Variants in FAM135A observed in about 807,000 individuals in gnomAD.
FAM135A encodes the protein family with sequence similarity 135 member A.
FAM135A carries 79 observed loss-of-function variants against 146.8 expected under a neutral mutation model. That is an observed-to-expected ratio of 0.54 (90% confidence interval 0.45 to 0.65). The LOEUF (loss-of-function observed/expected upper bound fraction) is 0.65. FAM135A is among the 30% of genes least tolerant of loss of function. The probability of loss-of-function intolerance (pLI) is 0.00; values close to 1 mark genes in which losing one functional copy is unlikely to be tolerated. For missense variants in FAM135A, 1,623 were observed against 1,758.2 expected (o/e 0.92, Z 1.38); for synonymous variants, 562 against 603.6 (o/e 0.93, Z 1.01).
chr6:70,552,686 T>G (rs1378450952), intron 20 of FAM135A, among the ~76,000 whole-genome samples: 1 of 151,820 alleles, frequency 6.6e-6, no homozygotes, highest in Non-Finnish European at 1.5e-5. Context: ...GCCAGGCTGG[T>G]CTCAAATTCC....
rs1582585937 is a variant in FAM135A, at chr6:70,501,159, A to G, written c.874-1477A>G. Among the ~76,000 whole-genome samples, 5 of 152,280 alleles carry G rather than the reference A, an allele frequency of 3.3e-5. No individual in the cohort carries two copies. The East Asian group carries it at 9.7e-4, about 29-fold the overall frequency. On this transcript the variant is annotated intron_variant, in intron 11 of 21. Transcript: ENST00000418814. The stretch of plus-strand genomic sequence containing the variant: ...ATGGGAGTTTATCTGTAAGCCCCTG[A>G]CTGGGGCTGTTACCCTTCCTTCAGT...
chr6:70,520,042 T>C (rs1455649701), intron 12 of FAM135A, among the ~76,000 whole-genome samples: 2 of 152,152 alleles, frequency 1.3e-5, no homozygotes, highest in Admixed American at 1.3e-4. Context: ...AATTTTTTAT[T>C]TATTTTGTGT....
intron 20 of FAM135A, among the ~76,000 whole-genome samples, chr6:70,555,842 CA>C (rs1800733249): frequency 6.6e-6 from 1 of 151,984 alleles, no homozygotes; most frequent in Non-Finnish European, 1.5e-5. Context: ...GGATTGTATA[CA>C]TTCAAAATGT....
At chr6:70,435,079 G>GTA (rs1322699827) in intron 4 of FAM135A, among the ~76,000 whole-genome samples, 2,769 of 89,830 alleles carry the variant, frequency 0.031, 99 homozygotes, top group African/African-American at 0.092. Flanking sequence ...GTGTGTGTGT[G>GTA]TGTATATATA....
In FAM135A at chr6:70,450,716, G is replaced by GTTTTTTTTTTTTTTTTTTTTTTTTTTT. The variant is rs546674936; in HGVS notation, c.78-1760_78-1734dup. On this transcript the variant is annotated intron_variant, in intron 4 of 21. Transcript: ENST00000418814. ...CTCAGGGAGTGTGACCCTTTTAGTT[G>GTTTTTTTTTTTTTTTTTTTTTTTTTTT]TTTTTTTTTTTTTTTTTTTTTTTTT... 5.3e-4 allele frequency among the ~76,000 whole-genome samples: 15 copies of GTTTTTTTTTTTTTTTTTTTTTTTTTTT among 28,348 alleles called. 6 individuals are homozygous for GTTTTTTTTTTTTTTTTTTTTTTTTTTT. Among genetic ancestry groups the GTTTTTTTTTTTTTTTTTTTTTTTTTTT allele is most frequent in the Non-Finnish European group, 9.9e-4 (13 of 13,088 alleles). 18.6% of individuals were successfully genotyped at this position (28,348 alleles called of 152,430 possible). A position where few individuals can be genotyped will look rare whatever the true frequency, so the allele number is the denominator to read the frequency against.
At chr6:70,474,607 A>T (rs1173891529) in intron 5 of FAM135A, among the ~76,000 whole-genome samples, 1 of 152,186 alleles carries the variant, frequency 6.6e-6, no homozygotes, top group Admixed American at 6.5e-5. Context: ...TCAAATCAGA[A>T]TCTGTATAGG....
chr6:70,510,991 T>C (rs1364190488), intron 12 of FAM135A, among the ~76,000 whole-genome samples: 6 of 151,996 alleles, frequency 3.9e-5, no homozygotes, highest in Non-Finnish European at 5.9e-5. Context: ...AGTGAGATGG[T>C]ATTTTCATTG....
intron 21 of FAM135A, among the ~76,000 whole-genome samples, chr6:70,559,419 C>T (rs919810346): frequency 6.7e-6 from 1 of 148,470 alleles, no homozygotes; most frequent in African/African-American, 2.5e-5. Flanking sequence ...CCAGCCTGGG[C>T]AACAAGAGTG....
At chr6:70,541,475 C>T (rs534967685) in intron 20 of FAM135A, among the ~76,000 whole-genome samples, 1 of 152,166 alleles carries the variant, frequency 6.6e-6, no homozygotes, top group Non-Finnish European at 1.5e-5. Flanking sequence ...TGGGATCCAC[C>T]TCTCCTGGTT....
At chr6:70,486,143 G>C in intron 10 of FAM135A, 1 of 1,608,142 alleles carries the variant, frequency 6.2e-7, no homozygotes, top group Non-Finnish European at 8.5e-7. Context: ...AGTAACTAGT[G>C]CTGTGTGCAA....
chr6:70,482,248 C>T (rs1411079037), intron 10 of FAM135A, 94 bp downstream of exon 10: 1 of 1,240,710 alleles, frequency 8.1e-7, no homozygotes, highest in Admixed American at 2.4e-5. Flanking sequence ...TTTTTCTATA[C>T]TAAAACTACA....
chr6:70,550,456 G>T (rs1388932564), intron 20 of FAM135A, among the ~76,000 whole-genome samples: 1 of 152,178 alleles, frequency 6.6e-6, no homozygotes, highest in Non-Finnish European at 1.5e-5. Flanking sequence ...TAATCTCCTT[G>T]TATATCTCCA....
chr6:70,557,693 T>G (rs1200799539), intron 21 of FAM135A: 1 of 34,026 alleles, frequency 2.9e-5, no homozygotes, highest in Non-Finnish European at 4.9e-5. Flanking sequence ...AAACTCTGTC[T>G]CAAAAAAAAA....
At chr6:70,544,185 C>A (rs1005306441) in intron 20 of FAM135A, among the ~76,000 whole-genome samples, 10 of 151,842 alleles carry the variant, frequency 6.6e-5, no homozygotes, top group African/African-American at 2.4e-4. Context: ...TAGCTCACAC[C>A]TGTAATCTCT....
At chr6:70,494,577 A>C (rs1786785084) in intron 11 of FAM135A, among the ~76,000 whole-genome samples, 1 of 152,010 alleles carries the variant, frequency 6.6e-6, no homozygotes, top group Non-Finnish European at 1.5e-5. Context: ...TGCCAAACTT[A>C]ATTCTAATTT....
chr6:70,553,952 A>G (rs936434498), intron 20 of FAM135A, among the ~76,000 whole-genome samples: 1 of 152,184 alleles, frequency 6.6e-6, no homozygotes, highest in Non-Finnish European at 1.5e-5. Context: ...ATTGGACTAG[A>G]ATAATAATAG....
chr6:70,500,872 A>G (rs1203776486), intron 11 of FAM135A, among the ~76,000 whole-genome samples: 1 of 152,144 alleles, frequency 6.6e-6, no homozygotes, highest in African/African-American at 2.4e-5. Flanking sequence ...CCAGAGGGGC[A>G]CCATCCTGAT....
chr6:70,506,613 A>G (rs1233608938), intron 12 of FAM135A, among the ~76,000 whole-genome samples: 2 of 152,050 alleles, frequency 1.3e-5, no homozygotes, highest in Non-Finnish European at 2.9e-5. Flanking sequence ...TCCACAAAAT[A>G]AAAGTCTGTT....
At chr6:70,558,322 A>G (rs1289553699) in intron 21 of FAM135A, among the ~76,000 whole-genome samples, 2 of 152,162 alleles carry the variant, frequency 1.3e-5, no homozygotes, top group African/African-American at 4.8e-5. Context: ...GTCTTCTGAA[A>G]TTTAATATTT....
Sources: allele counts gnomAD v4.1 joint callset (sites outside exome capture counted in the v4.1 genomes callset), GRCh38; gene constraint gnomAD v4.1.1; transcripts MANE v1.5; gene names NCBI Gene and HGNC (gene_info 2026-07-23, HGNC 2026-07-21).